Variants in NLGN1 observed in about 807,000 individuals in gnomAD.
NLGN1 encodes neuroligin-1.
A neutral mutation model predicts 65.5 loss-of-function variants in NLGN1; 12 were observed. That is an observed-to-expected ratio of 0.18 (90% CI 0.12 to 0.30). NLGN1 has a LOEUF of 0.30. NLGN1 is among the 10% of genes least tolerant of loss of function. The pLI, the probability that NLGN1 is intolerant of heterozygous loss-of-function variation, is 1.00. For missense variants in NLGN1, 750 were observed against 1,007.1 expected, an observed-to-expected ratio of 0.74 and a Z score of 3.46; for synonymous variants, 350 against 359.5, an observed-to-expected ratio of 0.97 and a Z score of 0.30.
At chr3:174,141,509 T>C (rs1342930486) in intron 4 of NLGN1, among the ~76,000 whole-genome samples, 7 of 152,194 alleles carry the variant, frequency 4.6e-5, no homozygotes, top group Non-Finnish European at 1.0e-4. Context: ...GAACATACAA[T>C]GTTGAACAAA....
chr3:173,878,539 G>A (rs1161134112), intron 4 of NLGN1, among the ~76,000 whole-genome samples: 1 of 151,522 alleles, frequency 6.6e-6, no homozygotes, highest in Non-Finnish European at 1.5e-5. Context: ...ATACTGCTAT[G>A]AAGATCATTG....
intron 4 of NLGN1, among the ~76,000 whole-genome samples, chr3:174,019,815 A>G (rs1039727391): frequency 2.0e-5 from 3 of 152,140 alleles, no homozygotes; most frequent in Non-Finnish European, 1.5e-5. Flanking sequence ...ACTAGAACAA[A>G]TGATTGACTG....
chr3:173,826,701 A>C (rs1281961912), intron 4 of NLGN1, among the ~76,000 whole-genome samples: 2 of 152,064 alleles, frequency 1.3e-5, no homozygotes, highest in Non-Finnish European at 2.9e-5. Context: ...TACAAAGAGG[A>C]GTGAGATGCA....
chr3:173,823,765 T>G (rs1056764117), intron 4 of NLGN1, among the ~76,000 whole-genome samples: 6 of 152,016 alleles, frequency 3.9e-5, no homozygotes, highest in Admixed American at 3.3e-4. Flanking sequence ...ACACACCTGT[T>G]GGGAGAAATA....
At chr3:174,023,242 G>A (rs541292929) in intron 4 of NLGN1, among the ~76,000 whole-genome samples, 31 of 152,156 alleles carry the variant, frequency 2.0e-4, no homozygotes, top group African/African-American at 6.0e-4. Context: ...CACTTAGCTC[G>A]TGAGTTAAAT....
rs186204317 is a variant in NLGN1 at position 173,568,870 on chromosome 3, G to A, written c.-320-35409G>A. 6.6e-5 allele frequency among the ~76,000 whole-genome samples: 10 copies of A among 152,052 alleles called. No individual in the cohort carries two copies. The East Asian group carries it at 9.8e-4, about 15-fold the overall frequency. ...TTTTTCTTGTATTTTTAGTAGAGAC[G>A]GGGTTTCACCTGTTAGCCAGGGTGG... On this transcript the variant is annotated intron_variant, in intron 2 of 6. Transcript: ENST00000457714.
intron 2 of NLGN1, among the ~76,000 whole-genome samples, chr3:173,487,082 T>C (rs992876766): frequency 3.3e-5 from 5 of 151,276 alleles, no homozygotes; most frequent in African/African-American, 9.7e-5. Flanking sequence ...TTAAAAATCT[T>C]AGCATCTTAA....
intron 3 of NLGN1, among the ~76,000 whole-genome samples, chr3:173,759,671 G>T (rs1171798850): frequency 6.6e-6 from 1 of 151,672 alleles, no homozygotes; most frequent in Non-Finnish European, 1.5e-5. Flanking sequence ...TACACTCTGG[G>T]GTTGTTCATC....
At chr3:173,408,709 G>A (rs916836491) in intron 1 of NLGN1, among the ~76,000 whole-genome samples, 2 of 152,060 alleles carry the variant, frequency 1.3e-5, no homozygotes, top group Non-Finnish European at 2.9e-5. Flanking sequence ...TCAGGAGATC[G>A]AGACCTTCCT....
intron 4 of NLGN1, among the ~76,000 whole-genome samples, chr3:173,972,904 G>C (rs1458288394): frequency 6.6e-6 from 1 of 152,094 alleles, no homozygotes; most frequent in Non-Finnish European, 1.5e-5. Flanking sequence ...CCAACAATCT[G>C]TATTTTAACA....
intron 3 of NLGN1, among the ~76,000 whole-genome samples, chr3:173,657,103 A>G (rs992905742): frequency 6.6e-6 from 1 of 152,092 alleles, no homozygotes; most frequent in Non-Finnish European, 1.5e-5. Context: ...TCTAACTCTT[A>G]TAAGGAGGTT....
At chr3:173,881,071 A>G (rs1338330505) in intron 4 of NLGN1, among the ~76,000 whole-genome samples, 1 of 149,334 alleles carries the variant, frequency 6.7e-6, no homozygotes, top group Non-Finnish European at 1.5e-5. Context: ...CAATTTAGTC[A>G]CATCTTCAGG....
At chr3:173,408,566 A>G (rs1447479418) in intron 1 of NLGN1, among the ~76,000 whole-genome samples, 3 of 152,212 alleles carry the variant, frequency 2.0e-5, no homozygotes, top group African/African-American at 7.2e-5. Context: ...TCAGAAGAGC[A>G]TAAGCATGTT....
At chr3:173,409,413 C>T (rs900374904) in intron 1 of NLGN1, among the ~76,000 whole-genome samples, 10 of 152,250 alleles carry the variant, frequency 6.6e-5, no homozygotes, top group South Asian at 2.1e-4. Flanking sequence ...GTACTGTAGA[C>T]GGGAATGTGG....
At chr3:173,853,949 A>G (rs1727458282) in intron 4 of NLGN1, among the ~76,000 whole-genome samples, 2 of 151,972 alleles carry the variant, frequency 1.3e-5, no homozygotes, top group African/African-American at 2.4e-5. Flanking sequence ...GTTTTATGCA[A>G]TTGATATATT....
intron 2 of NLGN1, among the ~76,000 whole-genome samples, chr3:173,444,703 A>G (rs1321914303): frequency 1.3e-5 from 2 of 152,048 alleles, no homozygotes; most frequent in African/African-American, 2.4e-5. Context: ...GATGGTCACA[A>G]CTATATATTG....
rs78195786 is a variant in NLGN1 at position 173,518,078 on chromosome 3, C to T, written c.-321+83000C>T. ...TTTGAAAGGTTTTACTAAGTTGTCT[C>T]ATCAGAAACTGTACTACTGGTCACG... On this transcript the variant is annotated intron_variant, in intron 2 of 6. Transcript: ENST00000457714. 2.6e-3 allele frequency among the ~76,000 whole-genome samples: 394 copies of T among 152,278 alleles called. 2 individuals carry two copies. The highest frequency in any genetic ancestry group is 8.5e-3 in the African/African-American group (354 of 41,566).
intron 4 of NLGN1, among the ~76,000 whole-genome samples, chr3:173,971,721 G>C (rs1214228549): frequency 6.6e-6 from 1 of 152,030 alleles, no homozygotes; most frequent in African/African-American, 2.4e-5. Flanking sequence ...GCAGTCACAA[G>C]GCATGAAGGA....
chr3:173,566,702 A>G (rs1417919517), intron 2 of NLGN1, among the ~76,000 whole-genome samples: 3 of 152,056 alleles, frequency 2.0e-5, no homozygotes, highest in Admixed American at 1.3e-4. Context: ...AGCACTTATC[A>G]TGTTGACTCA....
Sources: allele counts gnomAD v4.1 joint callset (sites outside exome capture counted in the v4.1 genomes callset), GRCh38; gene constraint gnomAD v4.1.1; transcripts MANE v1.5; gene names NCBI Gene and HGNC (gene_info 2026-07-23, HGNC 2026-07-21).